Variants in LRP1B observed in about 807,000 individuals in gnomAD.
The protein encoded by LRP1B is low-density lipoprotein receptor-related protein 1B.
Under a neutral mutation model 556.6 loss-of-function variants are expected in LRP1B, and 217 were observed. The observed-to-expected ratio is 0.39, with a 90% CI of 0.35 to 0.44. The LOEUF (loss-of-function observed/expected upper bound fraction) is 0.44, where lower values mean the gene tolerates loss of function less well. Ranked by LOEUF, LRP1B falls within the 20% of genes least tolerant of loss-of-function variation. The pLI is 1.00. For missense variants in LRP1B, 5,053 were observed against 5,620.8 expected (o/e 0.90, Z 3.23); for synonymous variants, 2,047 against 1,865.8 (o/e 1.10, Z -2.50).
intron 7 of LRP1B, among the ~76,000 whole-genome samples, chr2:141,102,861 T>C (rs567252674): frequency 6.6e-6 from 1 of 152,108 alleles, no homozygotes; most frequent in African/African-American, 2.4e-5. Context: ...TAAAAATTCT[T>C]TATTTATGAA....
At chr2:142,020,578 G>C (rs1426296194) in intron 1 of LRP1B, among the ~76,000 whole-genome samples, 2 of 152,072 alleles carry the variant, frequency 1.3e-5, no homozygotes, top group African/African-American at 2.4e-5. Context: ...CATTCATCAT[G>C]TTTTCTGTTT....
At chr2:142,017,806 CAGA>C (rs994582558) in intron 1 of LRP1B, among the ~76,000 whole-genome samples, 6 of 152,102 alleles carry the variant, frequency 3.9e-5, no homozygotes, top group African/African-American at 1.2e-4. Flanking sequence ...TGCTTGAACC[CAGA>C]AGGTCAAGGG....
chr2:140,459,377 T>C (rs1687226081), intron 60 of LRP1B, among the ~76,000 whole-genome samples: 1 of 152,192 alleles, frequency 6.6e-6, no homozygotes, highest in East Asian at 1.9e-4. Context: ...CAGGAAATGT[T>C]GAAAGCCTCA....
intron 7 of LRP1B, among the ~76,000 whole-genome samples, chr2:141,102,087 C>T (rs759372560): frequency 2.0e-5 from 3 of 152,064 alleles, no homozygotes; most frequent in African/African-American, 4.8e-5. Flanking sequence ...TACATTTTAA[C>T]GGTAGAAATG....
chr2:140,290,944 G>A (rs1188671929), intron 84 of LRP1B, among the ~76,000 whole-genome samples: 2 of 152,028 alleles, frequency 1.3e-5, no homozygotes, highest in African/African-American at 4.8e-5. Flanking sequence ...TTGCAGATTA[G>A]GGAAAACTGC....
At chr2:140,366,748 G>C (rs1682779675) in intron 71 of LRP1B, among the ~76,000 whole-genome samples, 1 of 151,670 alleles carries the variant, frequency 6.6e-6, no homozygotes, top group Non-Finnish European at 1.5e-5. Flanking sequence ...ATTGTCATTG[G>C]CTATTGAATG....
At chr2:140,433,840 T>C (rs1686057208) in intron 66 of LRP1B, among the ~76,000 whole-genome samples, 1 of 151,710 alleles carries the variant, frequency 6.6e-6, no homozygotes, top group Admixed American at 6.6e-5. Flanking sequence ...TTTTTCTTCT[T>C]TTTTTTTCTC....
chr2:141,145,521 A>G (rs112017615), intron 7 of LRP1B, among the ~76,000 whole-genome samples: 8,527 of 148,068 alleles, frequency 0.058, 319 homozygotes, highest in South Asian at 0.12. Flanking sequence ...TCTAAGTTTT[A>G]TTTTTTAATT....
intron 3 of LRP1B, among the ~76,000 whole-genome samples, chr2:141,419,493 A>G (rs1680060951): frequency 6.6e-6 from 1 of 152,074 alleles, no homozygotes; most frequent in African/African-American, 2.4e-5. Flanking sequence ...TTTCTTCTCA[A>G]TTCAATCTTG....
intron 45 of LRP1B, among the ~76,000 whole-genome samples, chr2:140,539,517 G>A (rs563367480): frequency 3.9e-5 from 6 of 152,098 alleles, no homozygotes; most frequent in South Asian, 2.1e-4. Flanking sequence ...ATTTCCTCTC[G>A]TCAACAGAGA....
chr2:140,515,286 G>A (rs1689844341), intron 50 of LRP1B, among the ~76,000 whole-genome samples: 1 of 151,930 alleles, frequency 6.6e-6, no homozygotes, highest in African/African-American at 2.4e-5. Flanking sequence ...CGTAGCAACT[G>A]TGCTGATGTT....
intron 35 of LRP1B, among the ~76,000 whole-genome samples, chr2:140,750,239 T>A (rs115943806): frequency 6.6e-6 from 1 of 152,102 alleles, no homozygotes; most frequent in South Asian, 2.1e-4. Context: ...ATGTTTCCAG[T>A]GGTCATCAGA....
chr2:141,987,286 C>T (rs1257028042), intron 1 of LRP1B, among the ~76,000 whole-genome samples: 1 of 151,892 alleles, frequency 6.6e-6, no homozygotes, highest in South Asian at 2.1e-4. Context: ...TGTAATTATT[C>T]AGGAGTTTAA....
chr2:140,464,692 C>T (rs1573968403), intron 60 of LRP1B, among the ~76,000 whole-genome samples: 1 of 152,256 alleles, frequency 6.6e-6, no homozygotes, highest in East Asian at 1.9e-4. Flanking sequence ...AGTGATAAAT[C>T]CTTCACAGTA....
chr2:141,526,888 G>T (rs918118201), intron 2 of LRP1B, among the ~76,000 whole-genome samples: 2 of 152,132 alleles, frequency 1.3e-5, no homozygotes, highest in African/African-American at 2.4e-5. Context: ...AAATTGTGTT[G>T]CCATGTGTAT....
intron 35 of LRP1B, among the ~76,000 whole-genome samples, chr2:140,729,484 T>C (rs1024604633): frequency 3.9e-5 from 6 of 152,130 alleles, no homozygotes; most frequent in African/African-American, 1.4e-4. Flanking sequence ...ATCACAGCTA[T>C]TATAATAAAC....
At chr2:141,827,401 G>A (rs1639781371) in intron 1 of LRP1B, among the ~76,000 whole-genome samples, 1 of 152,120 alleles carries the variant, frequency 6.6e-6, no homozygotes. Context: ...TAAATAGGAG[G>A]GGAAGTCAAA....
At chr2:140,789,037 AAAT>A (rs1690012197) in intron 32 of LRP1B, among the ~76,000 whole-genome samples, 1 of 152,162 alleles carries the variant, frequency 6.6e-6, no homozygotes, top group South Asian at 2.1e-4. Context: ...GAGCTGTGAA[AAAT>A]AATGTCTATT....
At chr2:141,178,274 G>A (rs1039718764) in intron 7 of LRP1B, among the ~76,000 whole-genome samples, 27 of 152,134 alleles carry the variant, frequency 1.8e-4, no homozygotes, top group Non-Finnish European at 2.8e-4. Context: ...CAAAGACAAC[G>A]GGGAATCTCA....
Sources: allele counts gnomAD v4.1 joint callset (sites outside exome capture counted in the v4.1 genomes callset), GRCh38; gene constraint gnomAD v4.1.1; transcripts MANE v1.5; gene names NCBI Gene and HGNC (gene_info 2026-07-23, HGNC 2026-07-21).